Variants in MACO1 observed in about 807,000 individuals in gnomAD.
The protein encoded by MACO1 is macoilin.
In MACO1, 14 loss-of-function variants were observed where a neutral mutation model predicts 78.7. The ratio of observed to expected loss-of-function variants is 0.18; its 90% CI spans 0.12 to 0.28. The LOEUF (loss-of-function observed/expected upper bound fraction) is 0.28, where lower values mean the gene tolerates loss of function less well. MACO1 is among the 10% of genes least tolerant of loss of function. The pLI, the probability that MACO1 is intolerant of heterozygous loss-of-function variation, is 1.00. For synonymous variants in MACO1, 288 were observed against 291.6 expected (o/e 0.99, Z 0.12); for missense variants, 501 against 799.0 (o/e 0.63, Z 4.50).
Position 25,430,954 on chromosome 1 carries a change from C to T in MACO1, c.-145C>T, listed in dbSNP as rs1484916030. On this transcript the variant is annotated 5_prime_UTR_variant, in exon 1 of 11. Transcript: ENST00000374343. ...TCCGAGCCCCCCCTCCCCGTGCTAC[C>T]CCCTCCCCCCGGGTGCTGGCTCCAT... 2.1e-6 allele frequency: 1 copy of T among 479,358 alleles called. No individual in the cohort carries two copies. The highest frequency in any genetic ancestry group is 3.7e-6 in the Non-Finnish European group (1 of 270,694). 29.7% of individuals were successfully genotyped at this position (479,358 alleles called of 1,614,324 possible).
intron 6 of MACO1, among the ~76,000 whole-genome samples, chr1:25,461,043 G>A (rs533851773): frequency 1.9e-4 from 29 of 152,028 alleles, no homozygotes; most frequent in African/African-American, 7.0e-4. Context: ...AAAAAATGAA[G>A]AGTTCATGTC....
rs2043569004 is a variant in MACO1, at chr1:25,499,500, C to G, written c.*1034C>G. 1 of 142,194 alleles carries G rather than the reference C, an allele frequency of 7.0e-6. No individual in the cohort carries two copies. The highest frequency in any genetic ancestry group is 1.5e-5 in the Non-Finnish European group (1 of 65,952). 8.8% of individuals were successfully genotyped at this position (142,194 alleles called of 1,614,324 possible). On this transcript the variant is annotated 3_prime_UTR_variant, in exon 11 of 11. Transcript: ENST00000374343. ...TAACTGTGCTTTCTCCACTTTTCAT[C>G]ATTTTGTGTTTGATGATTTAAAAGA...
chr1:25,497,102 C>T (rs1290368361), intron 10 of MACO1, among the ~76,000 whole-genome samples: 4 of 152,022 alleles, frequency 2.6e-5, no homozygotes, highest in Non-Finnish European at 5.9e-5. Flanking sequence ...GGAGTTAGAC[C>T]GGGCGCGGTG....
intron 1 of MACO1, among the ~76,000 whole-genome samples, chr1:25,440,236 A>G (rs996700585): frequency 2.0e-5 from 3 of 150,266 alleles, no homozygotes; most frequent in Admixed American, 6.6e-5. Flanking sequence ...TCTACAAAAA[A>G]AAAAAAAAAA....
At chr1:25,474,343 T>C (rs1426253695) in intron 6 of MACO1, among the ~76,000 whole-genome samples, 1 of 152,152 alleles carries the variant, frequency 6.6e-6, no homozygotes, top group East Asian at 1.9e-4. Flanking sequence ...TCACTTTTTC[T>C]GTTATACTTG....
intron 6 of MACO1, among the ~76,000 whole-genome samples, chr1:25,478,783 T>G (rs1442494506): frequency 6.6e-6 from 1 of 152,260 alleles, no homozygotes; most frequent in East Asian, 1.9e-4. Context: ...ATTGTACATA[T>G]AAACTCCAGC....
intron 6 of MACO1, among the ~76,000 whole-genome samples, chr1:25,480,964 A>G (rs2043371423): frequency 1.9e-5 from 2 of 105,516 alleles, no homozygotes; most frequent in Non-Finnish European, 3.8e-5. Context: ...ATATATATAT[A>G]TATATATATA....
Position 25,499,248 on chromosome 1 carries a change from C to T in MACO1, c.*782C>T, listed in dbSNP as rs1365726714. On this transcript the variant is annotated 3_prime_UTR_variant, in exon 11 of 11. Coordinates refer to ENST00000374343, the MANE Select transcript of MACO1 (RefSeq NM_018202.6). The stretch of plus-strand genomic sequence containing the variant: ...CTATCCTCTATCTGTATCAAGCTCA[C>T]TGCGGATCCTGCTGTAAAACTGGTG... 2.0e-5 allele frequency: 3 copies of T among 152,196 alleles called. No homozygotes were observed. Among genetic ancestry groups the T allele is most frequent in the African/African-American group, 7.2e-5 (3 of 41,444 alleles). The allele number at this position is 152,196 out of a possible 1,614,324, so 9.4% of individuals were successfully genotyped here. A position where few individuals can be genotyped will look rare whatever the true frequency, so the allele number is the denominator to read the frequency against.
chr1:25,430,936 CCCCCCTCCCCGTGCTA>C lies in MACO1; in HGVS notation c.-152_-137del, dbSNP rs1360286360. 2 of 467,942 alleles carry C rather than the reference CCCCCCTCCCCGTGCTA, an allele frequency of 4.3e-6. No individual in the cohort carries two copies. The highest frequency in any genetic ancestry group is 7.6e-6 in the Non-Finnish European group (2 of 263,320). The allele number at this position is 467,942 out of a possible 1,614,324, so 29.0% of individuals were successfully genotyped here. A position where few individuals can be genotyped will look rare whatever the true frequency, so the allele number is the denominator to read the frequency against. ...TCCGAAGGCGGAGGAGGCTCCGAGC[CCCCCCTCCCCGTGCTA>C]CCCCCTCCCCCCGGGTGCTGGCTCC... On this transcript the variant is annotated 5_prime_UTR_variant, in exon 1 of 11. Transcript: ENST00000374343.
At chr1:25,431,207 C>T (rs537679822) in intron 1 of MACO1, 29 bp downstream of exon 1, 8 of 1,560,576 alleles carry the variant, frequency 5.1e-6, no homozygotes, top group Non-Finnish European at 6.9e-6. Context: ...ACTCCGCGGG[C>T]GCGGGCCCTG....
chr1:25,433,898 G>A (rs1157975620), intron 1 of MACO1, among the ~76,000 whole-genome samples: 3 of 152,204 alleles, frequency 2.0e-5, no homozygotes, highest in Non-Finnish European at 4.4e-5. Context: ...TAAGGAGGCA[G>A]GAAATACTGT....
intron 9 of MACO1, among the ~76,000 whole-genome samples, chr1:25,489,634 T>G (rs1452793475): frequency 1.3e-5 from 2 of 152,176 alleles, no homozygotes; most frequent in African/African-American, 2.4e-5. Flanking sequence ...GCCCCAACCC[T>G]CTTTCTATTG....
At chr1:25,479,708 C>T (rs940531720) in intron 6 of MACO1, among the ~76,000 whole-genome samples, 2 of 152,146 alleles carry the variant, frequency 1.3e-5, no homozygotes, top group African/African-American at 4.8e-5. Flanking sequence ...TGCACCTGGC[C>T]ACACATAATT....
intron 1 of MACO1, among the ~76,000 whole-genome samples, chr1:25,435,974 C>G (rs930608114): frequency 7.9e-5 from 12 of 152,016 alleles, no homozygotes; most frequent in African/African-American, 2.9e-4. Context: ...TTTGAAAATC[C>G]CTTTAAATTG....
At chr1:25,440,345 T>C (rs1571950265) in intron 1 of MACO1, among the ~76,000 whole-genome samples, 1 of 143,918 alleles carries the variant, frequency 6.9e-6, no homozygotes, top group Middle Eastern at 3.5e-3. Context: ...GAGGCTGCAG[T>C]GAACTATGAT....
intron 1 of MACO1, among the ~76,000 whole-genome samples, chr1:25,431,566 C>T (rs924164324): frequency 1.3e-5 from 2 of 152,000 alleles, no homozygotes; most frequent in African/African-American, 2.4e-5. Context: ...GGCCCCCGAG[C>T]CCCCCGGTGG....
Position 25,498,788 on chromosome 1 carries a change from CAG to C in MACO1, c.*325_*326del, listed in dbSNP as rs775082591. On this transcript the variant is annotated 3_prime_UTR_variant, in exon 11 of 11. Coordinates refer to ENST00000374343, the MANE Select transcript of MACO1 (RefSeq NM_018202.6). ...AGTTTCCTCTTGAAGAAAAAAAAAG[CAG>C]AGTTTTTGTTTTTCAACCCTTTATG... is the stretch of plus-strand genomic sequence containing the variant. The C allele has an allele frequency of 6.1e-5, 15 of 247,126 alleles. No homozygotes were observed. Among genetic ancestry groups the C allele is most frequent in the Non-Finnish European group, 1.1e-4 (15 of 131,320 alleles). The allele number at this position is 247,126 out of a possible 1,614,324, so 15.3% of individuals were successfully genotyped here. A position where few individuals can be genotyped will look rare whatever the true frequency, so the allele number is the denominator to read the frequency against.
At chr1:25,496,182 C>T (rs1173926065) in intron 10 of MACO1, among the ~76,000 whole-genome samples, 1 of 146,538 alleles carries the variant, frequency 6.8e-6, no homozygotes, top group Admixed American at 7.0e-5. Flanking sequence ...GACAGGGTCT[C>T]TGTCGCCCAG....
chr1:25,481,399 G>A (rs1031997644), intron 6 of MACO1, among the ~76,000 whole-genome samples: 1 of 152,220 alleles, frequency 6.6e-6, no homozygotes. Context: ...AGGAAACTGA[G>A]GCCTGGAAGA....
Sources: gnomAD v4.1 joint callset for allele counts (sites outside exome capture counted in the v4.1 genomes callset) on GRCh38, gnomAD v4.1.1 for gene constraint, MANE v1.5 for transcripts, NCBI Gene and HGNC (gene_info 2026-07-23, HGNC 2026-07-21) for gene names.